UST: variants seen among roughly 807,000 people sequenced by gnomAD.
UST encodes chondroitin sulfate 2-O-sulfotransferase.
In UST, 21 loss-of-function variants were observed where a neutral mutation model predicts 45.6. That is an observed-to-expected ratio of 0.46 (90% CI 0.33 to 0.66). UST has a LOEUF of 0.66. UST is among the 30% of genes least tolerant of loss of function. The probability of loss-of-function intolerance (pLI) is 0.02; values close to 1 mark genes in which losing one functional copy is unlikely to be tolerated. For missense variants in UST, 463 were observed against 512.4 expected, an observed-to-expected ratio of 0.90 and a Z score of 0.93; for synonymous variants, 215 against 200.6, an observed-to-expected ratio of 1.07 and a Z score of -0.61.
In UST at chr6:148,904,230, C is replaced by T. The variant is rs148979007; in HGVS notation, c.291+17201C>T. 5.9e-3 allele frequency among the ~76,000 whole-genome samples: 893 copies of T among 152,270 alleles called. 9 individuals carry two copies. The highest frequency in any genetic ancestry group is 0.02 in the African/African-American group (838 of 41,546). ...ATATCAAAGACAAATTGAAGGACATCTTGTTTCTTGTGGGGGATAGTAAAC... is the reference window on the plus strand; with the variant it reads ...ATATCAAAGACAAATTGAAGGACATTTTGTTTCTTGTGGGGGATAGTAAAC... On this transcript the variant is annotated intron_variant, in intron 2 of 7. Transcript: ENST00000367463.
chr6:148,776,849 G>A (rs1009964088), intron 1 of UST, among the ~76,000 whole-genome samples: 10 of 152,146 alleles, frequency 6.6e-5, no homozygotes, highest in Non-Finnish European at 1.5e-4. Context: ...CCGTCATGAT[G>A]GGTGGGACCC....
intron 1 of UST, among the ~76,000 whole-genome samples, chr6:148,885,900 C>T (rs1420405384): frequency 1.3e-5 from 2 of 152,214 alleles, no homozygotes; most frequent in Non-Finnish European, 2.9e-5. Context: ...TAGAGGTATT[C>T]TTGCAGTTCC....
chr6:148,754,130 G>C (rs1453390587), intron 1 of UST, among the ~76,000 whole-genome samples: 1 of 151,916 alleles, frequency 6.6e-6, no homozygotes, highest in Non-Finnish European at 1.5e-5. Flanking sequence ...AAGTAGCTGG[G>C]ACTACAGGCG....
chr6:148,962,084 A>G (rs2114954857), intron 4 of UST, among the ~76,000 whole-genome samples: 1 of 152,366 alleles, frequency 6.6e-6, no homozygotes, highest in South Asian at 2.1e-4. Context: ...GAAGATATAT[A>G]CAAGACACCT....
At chr6:148,970,357 G>A (rs1425286141) in intron 5 of UST, among the ~76,000 whole-genome samples, 2 of 152,188 alleles carry the variant, frequency 1.3e-5, no homozygotes, top group South Asian at 2.1e-4. Flanking sequence ...CCTCATGTTA[G>A]GGTGTCCGCC....
chr6:148,810,686 A>T (rs190737591), intron 1 of UST, among the ~76,000 whole-genome samples: 1 of 152,180 alleles, frequency 6.6e-6, no homozygotes, highest in Non-Finnish European at 1.5e-5. Context: ...TTCTCTCTAC[A>T]GTCCCTAAAA....
At chr6:149,021,848 G>A (rs1022523679) in intron 7 of UST, among the ~76,000 whole-genome samples, 11 of 152,182 alleles carry the variant, frequency 7.2e-5, no homozygotes, top group African/African-American at 2.4e-4. Flanking sequence ...AAATGAATCC[G>A]TGTGTGTGCA....
chr6:148,929,128 C>G (rs1179110730), intron 2 of UST, among the ~76,000 whole-genome samples: 1 of 152,182 alleles, frequency 6.6e-6, no homozygotes, highest in East Asian at 1.9e-4. Flanking sequence ...TCAAGAACAA[C>G]AGGGCCTTTG....
rs370003871 is a variant in UST, at chr6:148,996,986, G to T, written c.682-22153G>T. Among the ~76,000 whole-genome samples, 15 of 152,318 alleles carry T rather than the reference G, an allele frequency of 9.8e-5. No individual in the cohort carries two copies. In the East Asian group the frequency reaches 1.5e-3, roughly 16 times the overall value. ...TGGAGGTTTGTTGCAAGGGTGTATT[G>T]CATGTGTTTGAGCTTCTGTTGATCT... On this transcript the variant is annotated intron_variant, in intron 5 of 7. Transcript: ENST00000367463.
intron 4 of UST, among the ~76,000 whole-genome samples, chr6:148,959,210 C>T (rs1175353622): frequency 6.6e-6 from 1 of 152,208 alleles, no homozygotes. Flanking sequence ...ACAAACTCTG[C>T]CCTCTGATGG....
intron 3 of UST, among the ~76,000 whole-genome samples, chr6:148,948,940 A>G (rs1582916215): frequency 6.6e-6 from 1 of 152,312 alleles, no homozygotes; most frequent in East Asian, 1.9e-4. Flanking sequence ...TAAGGCTTTA[A>G]GCAACCAATG....
rs57316536 is a variant in UST, at chr6:148,769,750, T to TTGTGTGTGTG, written c.247+22097_247+22106dup. 3.8e-3 allele frequency among the ~76,000 whole-genome samples: 563 copies of TTGTGTGTGTG among 148,226 alleles called. 5 individuals are homozygous for TTGTGTGTGTG. The highest frequency in any genetic ancestry group is 0.012 in the African/African-American group (483 of 40,586). ...AGTATAGGAATGTAGGAGCCTGTGT[T>TTGTGTGTGTG]TGTGTGTGTGTGTGTGTGTGTGTGT... On this transcript the variant is annotated intron_variant, in intron 1 of 7. Transcript: ENST00000367463.
At chr6:148,872,371 A>G (rs1468138356) in intron 1 of UST, among the ~76,000 whole-genome samples, 1 of 152,190 alleles carries the variant, frequency 6.6e-6, no homozygotes, top group Non-Finnish European at 1.5e-5. Context: ...AAAATACAAA[A>G]TATTAGGGAA....
chr6:148,846,172 C>T (rs1191624881), intron 1 of UST, among the ~76,000 whole-genome samples: 1 of 151,022 alleles, frequency 6.6e-6, no homozygotes, highest in Non-Finnish European at 1.5e-5. Flanking sequence ...GCACTATTCA[C>T]AATAGCAAAG....
intron 1 of UST, among the ~76,000 whole-genome samples, chr6:148,850,460 C>T (rs576529719): frequency 8.5e-5 from 13 of 152,310 alleles, no homozygotes; most frequent in African/African-American, 2.2e-4. Flanking sequence ...CAAAAAAGCA[C>T]GCTTGCTCCA....
intron 1 of UST, among the ~76,000 whole-genome samples, chr6:148,789,382 T>C (rs1219122865): frequency 6.6e-6 from 1 of 151,910 alleles, no homozygotes; most frequent in Non-Finnish European, 1.5e-5. Flanking sequence ...AGCATCTATA[T>C]GAACCACACT....
intron 1 of UST, among the ~76,000 whole-genome samples, chr6:148,786,542 T>C (rs1294839751): frequency 1.3e-5 from 2 of 152,204 alleles, no homozygotes; most frequent in African/African-American, 4.8e-5. Flanking sequence ...TCCAGCTCCA[T>C]TCATGTCCCT....
At chr6:148,829,965 G>C (rs1238204673) in intron 1 of UST, among the ~76,000 whole-genome samples, 1 of 152,178 alleles carries the variant, frequency 6.6e-6, no homozygotes, top group Admixed American at 6.5e-5. Flanking sequence ...ATATCACTTT[G>C]TTAACATTTA....
intron 1 of UST, among the ~76,000 whole-genome samples, chr6:148,812,524 A>G (rs1474619971): frequency 6.6e-6 from 1 of 152,196 alleles, no homozygotes; most frequent in Non-Finnish European, 1.5e-5. Flanking sequence ...ATGAGGTTGC[A>G]GTCAAGCTGT....
Sources: gnomAD v4.1 joint callset for allele counts (sites outside exome capture counted in the v4.1 genomes callset) on GRCh38, gnomAD v4.1.1 for gene constraint, MANE v1.5 for transcripts, NCBI Gene and HGNC (gene_info 2026-07-23, HGNC 2026-07-21) for gene names.